Variants in SCAMP1 observed in about 807,000 individuals in gnomAD.
SCAMP1 encodes the protein secretory carrier-associated membrane protein 1.
SCAMP1 carries 15 observed loss-of-function variants against 41.8 expected under a neutral mutation model. That is an observed-to-expected ratio of 0.36 (90% confidence interval 0.24 to 0.55). The LOEUF (loss-of-function observed/expected upper bound fraction) is 0.55. SCAMP1 is among the 20% of genes least tolerant of loss of function. The pLI is 0.86. For synonymous variants in SCAMP1, 135 were observed against 136.8 expected (o/e 0.99, Z 0.09); for missense variants, 341 against 412.6 (o/e 0.83, Z 1.50).
chr5:78,469,659 C>A (rs1333524482), intron 8 of SCAMP1, among the ~76,000 whole-genome samples: 1 of 151,812 alleles, frequency 6.6e-6, no homozygotes, highest in African/African-American at 2.4e-5. Flanking sequence ...GTGGCACTTT[C>A]ATCTAAGTCA....
chr5:78,423,645 G>T (rs952366649), intron 6 of SCAMP1, among the ~76,000 whole-genome samples: 5 of 151,158 alleles, frequency 3.3e-5, no homozygotes, highest in Admixed American at 3.3e-4. Flanking sequence ...CCAGCTTTGT[G>T]CCTTTTATTT....
intron 7 of SCAMP1, 42 bp downstream of exon 7, chr5:78,450,076 T>C (rs763197290): frequency 1.0e-4 from 112 of 1,114,990 alleles, no homozygotes; most frequent in Non-Finnish European, 1.4e-4. Context: ...TAATCTAATA[T>C]TGTAATATAA....
intron 6 of SCAMP1, among the ~76,000 whole-genome samples, chr5:78,428,480 A>G (rs1368373786): frequency 6.6e-6 from 1 of 152,166 alleles, no homozygotes; most frequent in Non-Finnish European, 1.5e-5. Flanking sequence ...CTATTGAACT[A>G]TGTGCCTATC....
At chr5:78,421,990 T>C (rs1347521728) in intron 6 of SCAMP1, 30 bp downstream of exon 6, 1 of 1,556,004 alleles carries the variant, frequency 6.4e-7, no homozygotes, top group African/African-American at 1.4e-5. Flanking sequence ...AAATACACTC[T>C]TTAAAACCTG....
chr5:78,469,485 A>C (rs1405423573), intron 8 of SCAMP1, among the ~76,000 whole-genome samples: 1 of 152,034 alleles, frequency 6.6e-6, no homozygotes, highest in African/African-American at 2.4e-5. Context: ...AAAAAAAAAA[A>C]AACTTTACCC....
At chr5:78,368,050 T>C (rs1446571536) in intron 1 of SCAMP1, among the ~76,000 whole-genome samples, 2 of 152,224 alleles carry the variant, frequency 1.3e-5, no homozygotes, top group African/African-American at 4.8e-5. Context: ...CCCAGAAGTT[T>C]CTATTAATTT....
intron 2 of SCAMP1, among the ~76,000 whole-genome samples, chr5:78,399,282 G>A (rs142802272): frequency 6.6e-6 from 1 of 152,298 alleles, no homozygotes; most frequent in East Asian, 1.9e-4. Context: ...ATAAATAACT[G>A]TATGTGGGTT....
chr5:78,399,098 A>T (rs1193856821), intron 2 of SCAMP1, among the ~76,000 whole-genome samples: 3 of 151,974 alleles, frequency 2.0e-5, no homozygotes, highest in Non-Finnish European at 4.4e-5. Flanking sequence ...GGCTTTTTTC[A>T]CTTAGTAGTA....
chr5:78,403,704 G>C (rs1285851302), intron 2 of SCAMP1, among the ~76,000 whole-genome samples: 1 of 152,100 alleles, frequency 6.6e-6, no homozygotes, highest in Non-Finnish European at 1.5e-5. Context: ...AGTGGCTCAC[G>C]CCTTTAATCC....
At position 78,479,021 on chromosome 5, in the gene SCAMP1, T is replaced by G. The variant is rs1265437841; in HGVS notation, c.*3353T>G. ...TAGCATAGTGCTTTTTACTCATTGCTGTATCTTTTTCTGAAAACACTGTTG... is the reference window on the plus strand; with the variant it reads ...TAGCATAGTGCTTTTTACTCATTGCGGTATCTTTTTCTGAAAACACTGTTG... On this transcript the variant is annotated 3_prime_UTR_variant, in exon 9 of 9. Coordinates refer to ENST00000621999, the MANE Select transcript of SCAMP1 (RefSeq NM_004866.6). The G allele has an allele frequency of 6.6e-6, 1 of 152,236 alleles. No individual in the cohort carries two copies. Among genetic ancestry groups the G allele is most frequent in the East Asian group, 1.9e-4 (1 of 5,208 alleles). The allele number at this position is 152,236 out of a possible 1,614,324, so 9.4% of individuals were successfully genotyped here.
At chr5:78,407,623 T>A (rs1343831300) in intron 2 of SCAMP1, among the ~76,000 whole-genome samples, 1 of 57,684 alleles carries the variant, frequency 1.7e-5, no homozygotes, top group Non-Finnish European at 3.5e-5. Context: ...CTCTCCCTTA[T>A]CCTGTTTTTT....
At chr5:78,399,473 A>G (rs1751746219) in intron 2 of SCAMP1, among the ~76,000 whole-genome samples, 1 of 152,206 alleles carries the variant, frequency 6.6e-6, no homozygotes, top group Non-Finnish European at 1.5e-5. Context: ...CATCCTCTCC[A>G]ACATTTGGTG....
intron 7 of SCAMP1, among the ~76,000 whole-genome samples, chr5:78,455,061 GAT>G (rs1485067278): frequency 6.6e-6 from 1 of 151,346 alleles, no homozygotes; most frequent in Non-Finnish European, 1.5e-5. Context: ...GTGTCTATTT[GAT>G]TCTTCTCTCT....
chr5:78,411,644 T>A (rs1580673921), intron 2 of SCAMP1, among the ~76,000 whole-genome samples: 1 of 152,204 alleles, frequency 6.6e-6, no homozygotes, highest in Non-Finnish European at 1.5e-5. Context: ...TATACTTTCC[T>A]ATAGCTGTAT....
intron 2 of SCAMP1, among the ~76,000 whole-genome samples, chr5:78,408,040 T>C (rs913966928): frequency 5.9e-5 from 9 of 152,222 alleles, no homozygotes; most frequent in African/African-American, 2.2e-4. Context: ...CAAAGTTACT[T>C]GGAACTTTAT....
intron 6 of SCAMP1, among the ~76,000 whole-genome samples, chr5:78,448,195 T>C (rs1362782604): frequency 7.5e-6 from 1 of 133,686 alleles, no homozygotes; most frequent in Admixed American, 7.9e-5. Flanking sequence ...TTTTGTTTTT[T>C]TTTGTTTTTT....
intron 1 of SCAMP1, among the ~76,000 whole-genome samples, chr5:78,383,588 C>G (rs768811493): frequency 5.3e-5 from 8 of 152,040 alleles, no homozygotes; most frequent in African/African-American, 1.9e-4. Flanking sequence ...GTCTTTGATC[C>G]ATCTTGAGTT....
chr5:78,439,138 A>G (rs756562360), intron 6 of SCAMP1, among the ~76,000 whole-genome samples: 22 of 152,202 alleles, frequency 1.4e-4, no homozygotes, highest in Non-Finnish European at 2.6e-4. Context: ...TCCTGAATAC[A>G]GCACCCTGAT....
rs557055605 is a variant in SCAMP1 at position 78,396,817 on chromosome 5, A to C, written c.135+7903A>C. On this transcript the variant is annotated intron_variant, in intron 2 of 8. Transcript: ENST00000621999. ...TTCAATAATGAGATAGTGATAAACT[A>C]TCAATGCTGATGATAGAGCAAATAA... 1.8e-4 allele frequency among the ~76,000 whole-genome samples: 28 copies of C among 152,382 alleles called. No individual in the cohort carries two copies. In the South Asian group the frequency reaches 5.0e-3, roughly 27 times the overall value.
Sources: allele counts gnomAD v4.1 joint callset (sites outside exome capture counted in the v4.1 genomes callset), GRCh38; gene constraint gnomAD v4.1.1; transcripts MANE v1.5; gene names NCBI Gene and HGNC (gene_info 2026-07-23, HGNC 2026-07-21).